Variants in KLK15 observed in about 807,000 individuals in gnomAD.
KLK15 encodes the protein kallikrein-15.
KLK15 carries 19 observed loss-of-function variants against 21.1 expected under a neutral mutation model. The observed-to-expected ratio is 0.90, with a 90% CI of 0.63 to 1.32. The LOEUF (loss-of-function observed/expected upper bound fraction) is 1.32, where lower values mean the gene tolerates loss of function less well. Ranked by LOEUF, KLK15 falls within the 40% of genes most tolerant of loss-of-function variation. KLK15 has a pLI of 0.00. For synonymous variants in KLK15, 141 were observed against 141.5 expected (o/e 1.00, Z 0.03); for missense variants, 345 against 348.6 (o/e 0.99, Z 0.08).
chr19:50,832,168 C>T (rs1352952440), upstream of KLK15, among the ~76,000 whole-genome samples: 1 of 151,738 alleles, frequency 6.6e-6, no homozygotes, highest in Admixed American at 6.6e-5. Context: ...CCAGTCCAGT[C>T]CCCTCCACCA....
chr19:50,826,891 G>T (rs1367200342), exon 3 of KLK15: 1 of 1,562,626 alleles, frequency 6.4e-7, no homozygotes, highest in African/African-American at 1.4e-5. Context: ...GTGACCGGGG[G>T]CTCCCAGCGG....
rs1653779383 is a variant in KLK15 at position 50,826,863 on chromosome 19, C to T, written c.481+15G>A. The stretch of plus-strand genomic sequence containing the variant: ...TTCCTTGAGGCCTCGCATCCAGCTC[C>T]ATCCTTTCACGCACCTTGTGACCGG... On this transcript the variant is annotated intron_variant, in intron 3 of 4. Coordinates refer to ENST00000598239, the Ensembl canonical transcript of KLK15. The T allele has an allele frequency of 1.7e-5, 27 of 1,557,198 alleles. No individual in the cohort carries two copies. The highest frequency in any genetic ancestry group is 2.3e-5 in the Non-Finnish European group (27 of 1,151,002).
upstream of KLK15, among the ~76,000 whole-genome samples, chr19:50,832,332 T>TTC: frequency 6.8e-6 from 1 of 147,620 alleles, no homozygotes; most frequent in Non-Finnish European, 1.5e-5. Context: ...CTTTTTTTTT[T>TTC]TTTTTTTTGA....
At chr19:50,826,542 A>G in intron 4 of KLK15, 79 bp downstream of exon 5, 2 of 1,484,254 alleles carry the variant, frequency 1.3e-6, no homozygotes, top group Non-Finnish European at 1.8e-6. Flanking sequence ...CCCAAAGCAA[A>G]GAAAATCCAA....
In KLK15 at chr19:50,827,902, T is replaced by G; in HGVS notation, c.44-87A>C. 4.8e-6 allele frequency: 6 copies of G among 1,256,604 alleles called. No homozygotes were observed. In the South Asian group the frequency reaches 7.9e-5, roughly 17 times the overall value. The allele number at this position is 1,256,604 out of a possible 1,614,324, so 77.8% of individuals were successfully genotyped here. The stretch of plus-strand genomic sequence containing the variant: ...CTTGCACCCTGCCCTAACTACTATA[T>G]GCCTATGCCTTTCCCCTAACTTCTC... On this transcript the variant is annotated intron_variant, in intron 1 of 4. Transcript: ENST00000598239.
intron 4 of KLK15, 49 bp downstream of exon 5, chr19:50,826,572 C>A: frequency 6.5e-7 from 1 of 1,535,616 alleles, no homozygotes. Flanking sequence ...GACTCCCACA[C>A]CTGTCCCCAT....
At chr19:50,827,084 A>G (rs746349877) in exon 3 of KLK15, 5 of 1,606,068 alleles carry the variant, frequency 3.1e-6, no homozygotes, top group Non-Finnish European at 2.5e-6. Flanking sequence ...GTGTGGAATG[A>G]CCCGAGACGT....
At chr19:50,826,039 A>C in intron 4 of KLK15, 91 bp from the exon 6 acceptor site, 1 of 1,274,442 alleles carries the variant, frequency 7.8e-7, no homozygotes, top group Non-Finnish European at 1.1e-6. Context: ...CCCAAACCCA[A>C]TCCATCCCCA....
chr19:50,832,324 T>TTTTC (rs1555766977), upstream of KLK15, among the ~76,000 whole-genome samples: 87 of 103,776 alleles, frequency 8.4e-4, no homozygotes, highest in Admixed American at 2.0e-3. Flanking sequence ...TTTTTTTTCT[T>TTTTC]TTTTTTTTTT....
exon 2 of KLK15, chr19:50,827,706 G>A (rs2089908900): frequency 4.3e-6 from 7 of 1,611,298 alleles, no homozygotes; most frequent in Non-Finnish European, 5.1e-6. Flanking sequence ...GTGGGGAGAT[G>A]AGGGAAGCGC....
chr19:50,827,714 C>G, exon 2 of KLK15: 1 of 1,611,218 alleles, frequency 6.2e-7, no homozygotes. Flanking sequence ...ATGAGGGAAG[C>G]GCCACAGTTA....
At chr19:50,827,730 T>C in exon 2 of KLK15, 1 of 1,611,234 alleles carries the variant, frequency 6.2e-7, no homozygotes, top group South Asian at 1.1e-5. Context: ...AGTTAAAGCG[T>C]CCACGCTCGT....
At chr19:50,831,715 T>C (rs1260597363), upstream of KLK15, among the ~76,000 whole-genome samples, 2 of 152,006 alleles carry the variant, frequency 1.3e-5, no homozygotes. Context: ...CTCTAGGCAC[T>C]CGGACAGACC....
intron 1 of KLK15, 136 bp downstream of exon 2, chr19:50,831,314 G>T: frequency 3.3e-6 from 2 of 602,134 alleles, no homozygotes; most frequent in Non-Finnish European, 5.3e-6. Context: ...AGGGACATTG[G>T]CACAGGTGGA....
Position 50,830,160 on chromosome 19 carries a change from TACACAC to T in KLK15, c.43+1284_43+1289del, listed in dbSNP as rs58238482. Among the ~76,000 whole-genome samples the T allele has an allele frequency of 4.3e-4, 63 of 147,372 alleles. 1 individual carries two copies. Among genetic ancestry groups the T allele is most frequent in the African/African-American group, 1.4e-3 (56 of 39,806 alleles). On this transcript the variant is annotated intron_variant, in intron 1 of 4. Coordinates refer to ENST00000598239, the Ensembl canonical transcript of KLK15. ...TGTATACCCACTGCACACGTGCATGTACACACACACACACACACACACACACAGAAT... is the reference window on the plus strand; with the variant it reads ...TGTATACCCACTGCACACGTGCATGTACACACACACACACACACACAGAAT...
rs914280123 is a variant in KLK15, at chr19:50,828,077, C to T, written c.44-262G>A. Among the ~76,000 whole-genome samples, 7 of 151,362 alleles carry T rather than the reference C, an allele frequency of 4.6e-5. 1 individual carries two copies. The highest frequency in any genetic ancestry group is 5.9e-5 in the Non-Finnish European group (4 of 67,680). On this transcript the variant is annotated intron_variant, in intron 1 of 4. Transcript: ENST00000598239. ...AAGTGATCCTCCTGCCTCAGCCTCC[C>T]GAGTAGCTGAGGTGCCCGCCACCAC...
chr19:50,829,808 C>T (rs2089950899), intron 1 of KLK15, among the ~76,000 whole-genome samples: 1 of 151,620 alleles, frequency 6.6e-6, no homozygotes, highest in African/African-American at 2.4e-5. Context: ...CAGAGCGAGA[C>T]TCCGTCTCAA....
downstream of KLK15, chr19:50,825,671 G>T: frequency 1.1e-6 from 1 of 947,854 alleles, no homozygotes; most frequent in Non-Finnish European, 1.5e-6. Context: ...CAAGTCCTTG[G>T]CTAACATCTG....
chr19:50,833,223 G>C (rs1259222662), upstream of KLK15: 1 of 152,438 alleles, frequency 6.6e-6, no homozygotes, highest in East Asian at 1.9e-4. Flanking sequence ...CCTCCGGGAG[G>C]TTGTGCTGAA....
Sources: gnomAD v4.1 joint callset for allele counts (sites outside exome capture counted in the v4.1 genomes callset) on GRCh38, gnomAD v4.1.1 for gene constraint, MANE v1.5 for transcripts, NCBI Gene and HGNC (gene_info 2026-07-23, HGNC 2026-07-21) for gene names.